The following WDR75 variants were observed in gnomAD, a reference collection of about 807,000 sequenced individuals.
WDR75 encodes WD repeat-containing protein 75.
Under a neutral mutation model 106.1 loss-of-function variants are expected in WDR75, and 52 were observed. That is an observed-to-expected ratio of 0.49 (90% confidence interval 0.39 to 0.62). The LOEUF is 0.62. WDR75 is among the 20% of genes least tolerant of loss of function. WDR75 has a pLI of 0.00. For missense variants in WDR75, 905 were observed against 970.3 expected, an observed-to-expected ratio of 0.93 and a Z score of 0.89; for synonymous variants, 333 against 335.5, an observed-to-expected ratio of 0.99 and a Z score of 0.08.
At position 189,470,256 on chromosome 2, in the gene WDR75, C is replaced by T. The variant is rs1476361396; in HGVS notation, c.1989+11C>T. 3.1e-6 allele frequency: 5 copies of T among 1,606,636 alleles called. No individual in the cohort carries two copies. In the African/African-American group the frequency reaches 5.4e-5, roughly 17 times the overall value. The stretch of plus-strand genomic sequence containing the variant: ...CTAACAAAATCACAGGTAACTGCCT[C>T]CCTCAAAAAAGGCGATCACTTTGTA... On this transcript the variant is annotated intron_variant, in intron 17 of 20. Transcript: ENST00000314761.
chr2:189,457,010 G>A (rs1278518084), intron 5 of WDR75, among the ~76,000 whole-genome samples: 2 of 152,148 alleles, frequency 1.3e-5, no homozygotes. Flanking sequence ...GGGAGGCCGA[G>A]GCAGGCGGAT....
rs915891993 is a variant in WDR75 at position 189,449,419 on chromosome 2, G to A, written c.216+911G>A. The A allele has an allele frequency of 7.7e-5, 95 of 1,237,158 alleles. 1 individual carries two copies. Among genetic ancestry groups the A allele is most frequent in the African/African-American group, 4.5e-4 (29 of 63,972 alleles). The allele number at this position is 1,237,158 out of a possible 1,614,324, so 76.6% of individuals were successfully genotyped here. A position where few individuals can be genotyped will look rare whatever the true frequency, so the allele number is the denominator to read the frequency against. ...TCCAAGTACATATTTTATGCTTGCC[G>A]TCCTCTGAGGGTTTGACAAAAGTTT... On this transcript the variant is annotated intron_variant, in intron 2 of 20. Transcript: ENST00000314761.
intron 1 of WDR75, among the ~76,000 whole-genome samples, chr2:189,443,211 C>T (rs1038587283): frequency 6.6e-6 from 1 of 152,146 alleles, no homozygotes; most frequent in Admixed American, 6.5e-5. Flanking sequence ...GATTACTTCC[C>T]AAACTAAGAA....
At chr2:189,454,269 C>G (rs561473368) in intron 4 of WDR75, among the ~76,000 whole-genome samples, 1 of 152,180 alleles carries the variant, frequency 6.6e-6, no homozygotes, top group African/African-American at 2.4e-5. Context: ...TGCTTTTACT[C>G]TGAGTAAAAA....
chr2:189,458,456 G>A (rs1352698185), intron 6 of WDR75, among the ~76,000 whole-genome samples: 1 of 149,776 alleles, frequency 6.7e-6, no homozygotes, highest in Non-Finnish European at 1.5e-5. Flanking sequence ...CTTTGACCAG[G>A]CCAAAAAAAA....
intron 7 of WDR75, 37 bp downstream of exon 7, chr2:189,458,909 G>T: frequency 1.3e-6 from 2 of 1,577,194 alleles, no homozygotes; most frequent in South Asian, 2.4e-5. Flanking sequence ...GATCATTTAT[G>T]TACTATTTTA....
In WDR75 at chr2:189,475,352, A is replaced by G; in HGVS notation, c.2428A>G (p.Lys810Glu). 1 of 1,612,820 alleles carries G rather than the reference A, an allele frequency of 6.2e-7. No homozygotes were observed. Residue 810 changes from lysine to glutamate, a missense_variant, in exon 21 of 21, where the codon AAA becomes GAA. Coordinates refer to ENST00000314761, the MANE Select transcript of WDR75 (RefSeq NM_032168.3). ...AGAAGACATTATACATCAGTTGTCA[A>G]AATCTGAAGAAAAAGAACTGAGAAA... is the stretch of plus-strand genomic sequence containing the variant. ...LGEDIIHQLS[K>E]SEEKELRKFR...
chr2:189,472,416 C>A (rs1687135849), intron 18 of WDR75, among the ~76,000 whole-genome samples: 1 of 152,156 alleles, frequency 6.6e-6, no homozygotes, highest in African/African-American at 2.4e-5. Flanking sequence ...TTTCTCTATT[C>A]TTTTTCTAGA....
chr2:189,443,615 G>A (rs908966613), intron 1 of WDR75, among the ~76,000 whole-genome samples: 1 of 152,166 alleles, frequency 6.6e-6, no homozygotes, highest in African/African-American at 2.4e-5. Context: ...TGTACATAAA[G>A]TACAGTGATG....
chr2:189,451,720 A>G, intron 3 of WDR75, 85 bp from the exon 4 acceptor site: 1 of 1,224,616 alleles, frequency 8.2e-7, no homozygotes, highest in Non-Finnish European at 1.2e-6. Context: ...AATGAGCAAA[A>G]TACATAAAAA....
chr2:189,474,375 TA>T (rs770823096), intron 19 of WDR75, 43 bp downstream of exon 19: 1 of 1,571,108 alleles, frequency 6.4e-7, no homozygotes, highest in African/African-American at 1.4e-5. Context: ...TAAATGCACT[TA>T]AAGCACCTGA....
rs75358950 is a variant in WDR75 at position 189,467,940 on chromosome 2, T to G, written c.1628+292T>G. On this transcript the variant is annotated intron_variant, in intron 14 of 20. Coordinates refer to ENST00000314761, the MANE Select transcript of WDR75 (RefSeq NM_032168.3). ...CATAAGCCTCAGGGGATCCAAACCT[T>G]CTTATTTTCTGTGTATTCCCATAAA... Among the ~76,000 whole-genome samples, 4 of 152,312 alleles carry G rather than the reference T, an allele frequency of 2.6e-5. No homozygotes were observed. The East Asian group carries it at 7.7e-4, about 29-fold the overall frequency.
At chr2:189,460,746 C>A (rs1686863025) in intron 8 of WDR75, among the ~76,000 whole-genome samples, 1 of 152,176 alleles carries the variant, frequency 6.6e-6, no homozygotes, top group East Asian at 1.9e-4. Context: ...CTCAGGCGAT[C>A]CCCCCAGCCT....
At chr2:189,474,907 T>G in intron 20 of WDR75, 99 bp downstream of exon 20, 1 of 966,368 alleles carries the variant, frequency 1.0e-6, no homozygotes, top group South Asian at 1.5e-5. Flanking sequence ...GTATTTCTTT[T>G]TATTTCATAA....
In WDR75 at chr2:189,457,621, C is replaced by T. The variant is rs538092366; in HGVS notation, c.569+240C>T. On this transcript the variant is annotated intron_variant, in intron 6 of 20. Transcript: ENST00000314761. ...GCCCTATACACTGAATTCTAGTCTG[C>T]ATTCTTGGAGTCAAAGTTGGATGTA... is the stretch of plus-strand genomic sequence containing the variant. Among the ~76,000 whole-genome samples the T allele has an allele frequency of 1.3e-3, 197 of 152,288 alleles. 1 individual carries two copies. Among genetic ancestry groups the T allele is most frequent in the African/African-American group, 3.8e-3 (156 of 41,544 alleles).
At chr2:189,442,442 C>CTTT (rs1188214718) in intron 1 of WDR75, among the ~76,000 whole-genome samples, 1,263 of 73,908 alleles carry the variant, frequency 0.017, 369 homozygotes, top group East Asian at 0.051. Flanking sequence ...CCACAATATT[C>CTTT]TTTTTTTTTT....
At chr2:189,458,058 G>C (rs867388528) in intron 6 of WDR75, among the ~76,000 whole-genome samples, 1 of 151,474 alleles carries the variant, frequency 6.6e-6, no homozygotes, top group Non-Finnish European at 1.5e-5. Flanking sequence ...TGAGTAGCTG[G>C]GACTATAGGC....
Position 189,458,707 on chromosome 2 carries a change from C to T in WDR75, c.570-46C>T, listed in dbSNP as rs1367396535. 5 of 1,466,424 alleles carry T rather than the reference C, an allele frequency of 3.4e-6. No individual in the cohort carries two copies. The Middle Eastern group carries it at 7.3e-4, about 214-fold the overall frequency. 90.8% of individuals were successfully genotyped at this position (1,466,424 alleles called of 1,614,324 possible). On this transcript the variant is annotated intron_variant, in intron 6 of 20. Coordinates refer to ENST00000314761, the MANE Select transcript of WDR75 (RefSeq NM_032168.3). ...TTTACTTAACTACATCACCACTTAT[C>T]AAGAGACTTTAATAATTAAGGGAAT...
intron 1 of WDR75, among the ~76,000 whole-genome samples, chr2:189,445,960 G>T (rs960330257): frequency 3.3e-5 from 5 of 152,156 alleles, no homozygotes; most frequent in African/African-American, 1.2e-4. Flanking sequence ...TGAGAAACAA[G>T]AAGAGAGGAT....
Sources: allele counts gnomAD v4.1 joint callset (sites outside exome capture counted in the v4.1 genomes callset), GRCh38; gene constraint gnomAD v4.1.1; transcripts MANE v1.5; gene names NCBI Gene and HGNC (gene_info 2026-07-23, HGNC 2026-07-21).